The following HMCN1 variants were observed in gnomAD, a reference collection of about 807,000 sequenced individuals.
The protein encoded by HMCN1 is hemicentin-1.
In HMCN1, 321 loss-of-function variants were observed where a neutral mutation model predicts 625.9. The observed-to-expected ratio is 0.51, with a 90% confidence interval of 0.47 to 0.56. The LOEUF is 0.56. HMCN1 is among the 20% of genes least tolerant of loss of function. HMCN1 has a pLI of 0.00. For missense variants in HMCN1, 6,588 were observed against 6,887.3 expected, an observed-to-expected ratio of 0.96 and a Z score of 1.54; for synonymous variants, 2,425 against 2,417.6, an observed-to-expected ratio of 1.00 and a Z score of -0.09.
intron 74 of HMCN1, 139 bp downstream of exon 74, chr1:186,115,085 T>C: frequency 1.4e-6 from 2 of 1,426,154 alleles, no homozygotes; most frequent in Non-Finnish European, 2.0e-6. Context: ...AAGCCCCAAG[T>C]TTTCTCCTTA....
At chr1:185,738,027 A>G (rs927797544) in intron 1 of HMCN1, among the ~76,000 whole-genome samples, 1 of 152,222 alleles carries the variant, frequency 6.6e-6, no homozygotes, top group Admixed American at 6.5e-5. Flanking sequence ...AGGAGGTACC[A>G]GAGATGAACG....
In HMCN1 at chr1:186,052,940, AT is replaced by A. The variant is rs1458736962; in HGVS notation, c.6578-5del. The A allele has an allele frequency of 6.3e-6, 10 of 1,594,258 alleles. No homozygotes were observed. Among genetic ancestry groups the A allele is most frequent in the African/African-American group, 1.3e-5 (1 of 74,376 alleles). ...AAATGAGTGGAAAAATCATATTTTT[AT>A]TTTTTTCTAGTCCCCCCAAATATTG... On this transcript the variant is annotated splice_polypyrimidine_tract_variant and intron_variant, in intron 42 of 106. Coordinates refer to ENST00000271588, the MANE Select transcript of HMCN1 (RefSeq NM_031935.3).
At chr1:186,151,539 T>A in intron 94 of HMCN1, 67 bp from the exon 95 acceptor site, 1 of 1,460,880 alleles carries the variant, frequency 6.8e-7, no homozygotes, top group East Asian at 2.3e-5. Flanking sequence ...GTGAATAATA[T>A]GCTATGAAGA....
intron 66 of HMCN1, among the ~76,000 whole-genome samples, chr1:186,093,883 T>C (rs2102418771): frequency 6.6e-6 from 1 of 152,254 alleles, no homozygotes; most frequent in South Asian, 2.1e-4. Context: ...AGTAAATGTG[T>C]AAAATGGTCT....
intron 23 of HMCN1, 125 bp downstream of exon 23, chr1:185,993,434 A>G: frequency 2.0e-6 from 2 of 999,168 alleles, no homozygotes; most frequent in Non-Finnish European, 3.0e-6. Flanking sequence ...AAAATTCTCT[A>G]AAATCTGAGA....
chr1:185,761,448 C>G (rs1655496038), intron 1 of HMCN1, among the ~76,000 whole-genome samples: 1 of 152,172 alleles, frequency 6.6e-6, no homozygotes, highest in Non-Finnish European at 1.5e-5. Flanking sequence ...TGTCTACAGT[C>G]AAAACCCTTT....
intron 4 of HMCN1, among the ~76,000 whole-genome samples, chr1:185,893,014 G>A (rs954423141): frequency 5.9e-5 from 9 of 152,162 alleles, no homozygotes; most frequent in South Asian, 2.1e-4. Flanking sequence ...ATCTCGTGGT[G>A]CGCCGTTTTT....
intron 29 of HMCN1, among the ~76,000 whole-genome samples, chr1:186,005,109 T>C (rs948335758): frequency 6.7e-6 from 1 of 150,262 alleles, no homozygotes; most frequent in Admixed American, 6.6e-5. Context: ...TTTAAATTGT[T>C]TATAAATGTT....
intron 2 of HMCN1, among the ~76,000 whole-genome samples, chr1:185,850,096 T>C (rs1313194258): frequency 6.6e-6 from 1 of 152,212 alleles, no homozygotes; most frequent in Non-Finnish European, 1.5e-5. Context: ...AAGAGCCCTG[T>C]AGCTCGTATT....
intron 4 of HMCN1, among the ~76,000 whole-genome samples, chr1:185,886,250 CAG>C (rs879655261): frequency 1.3e-4 from 19 of 149,948 alleles, no homozygotes; most frequent in Non-Finnish European, 2.2e-4. Context: ...TGGGTGGAAA[CAG>C]AGAAACAGAG....
At chr1:186,024,760 G>A (rs116794370) in intron 36 of HMCN1, among the ~76,000 whole-genome samples, 4 of 152,104 alleles carry the variant, frequency 2.6e-5, no homozygotes, top group East Asian at 1.9e-4. Flanking sequence ...ACTTCCTGAG[G>A]TGTTTTTAAA....
At chr1:185,983,391 A>G (rs1046328154) in intron 18 of HMCN1, among the ~76,000 whole-genome samples, 4 of 152,118 alleles carry the variant, frequency 2.6e-5, no homozygotes, top group Admixed American at 1.3e-4. Context: ...GTGCCACTGC[A>G]CTCCAGCCTG....
intron 37 of HMCN1, among the ~76,000 whole-genome samples, chr1:186,038,333 CT>C (rs1032015075): frequency 2.0e-5 from 3 of 151,912 alleles, no homozygotes; most frequent in East Asian, 1.9e-4. Flanking sequence ...TATGCTGAAA[CT>C]TTTTTTTAAC....
At chr1:185,759,476 C>T (rs1655345996) in intron 1 of HMCN1, among the ~76,000 whole-genome samples, 1 of 152,094 alleles carries the variant, frequency 6.6e-6, no homozygotes, top group African/African-American at 2.4e-5. Context: ...TAATAGACTT[C>T]AAAAGAGGTG....
chr1:186,136,066 C>T (rs771950759), intron 86 of HMCN1, among the ~76,000 whole-genome samples: 2 of 152,086 alleles, frequency 1.3e-5, no homozygotes, highest in Non-Finnish European at 1.5e-5. Flanking sequence ...ATCCCAGCTA[C>T]TCAGGAGGCT....
Position 186,117,502 on chromosome 1 carries a change from C to A in HMCN1, c.11727C>A (p.Thr3909=), listed in dbSNP as rs1433226266. The part of the protein sequence containing the change: ...IADEPTDFLV[T]KHAPAVITCT... ...ATGAGCCTACAGATTTCCTAGTAACCAAACATGCCCCAGCAGTAATTACCT... is the reference window on the plus strand; with the variant it reads ...ATGAGCCTACAGATTTCCTAGTAACAAAACATGCCCCAGCAGTAATTACCT... Residue 3909 remains threonine (T), a synonymous_variant, in exon 77 of 107, where the codon ACC becomes ACA. Coordinates refer to ENST00000271588, the MANE Select transcript of HMCN1 (RefSeq NM_031935.3). 1 of 1,613,768 alleles carries A rather than the reference C, an allele frequency of 6.2e-7. No homozygotes were observed. Among genetic ancestry groups the A allele is most frequent in the Non-Finnish European group, 8.5e-7 (1 of 1,179,784 alleles).
chr1:185,746,172 A>G (rs1465691158), intron 1 of HMCN1, among the ~76,000 whole-genome samples: 1 of 152,208 alleles, frequency 6.6e-6, no homozygotes, highest in Non-Finnish European at 1.5e-5. Context: ...ATGAGTTAAG[A>G]AAATGGAGCT....
rs758976050 is a variant in HMCN1 at position 186,039,891 on chromosome 1, C to G, written c.6180+12C>G. ...CTAATGGATTACAGGTACCTTCATTCATTTCTTTGGTGACATTTACCACCT... is the reference window on the plus strand; with the variant it reads ...CTAATGGATTACAGGTACCTTCATTGATTTCTTTGGTGACATTTACCACCT... On this transcript the variant is annotated intron_variant, in intron 39 of 106. Coordinates refer to ENST00000271588, the MANE Select transcript of HMCN1 (RefSeq NM_031935.3). The G allele has an allele frequency of 6.2e-7, 1 of 1,611,736 alleles. No homozygotes were observed. The highest frequency in any genetic ancestry group is 8.5e-7 in the Non-Finnish European group (1 of 1,178,258).
chr1:185,863,809 A>C lies in HMCN1; in HGVS notation c.340-661A>C, dbSNP rs188871289. Among the ~76,000 whole-genome samples, 114 of 152,340 alleles carry C rather than the reference A, an allele frequency of 7.5e-4. 1 individual carries two copies. Among genetic ancestry groups the C allele is most frequent in the South Asian group, 4.1e-4 (2 of 4,830 alleles). On this transcript the variant is annotated intron_variant, in intron 2 of 106. Coordinates refer to ENST00000271588, the MANE Select transcript of HMCN1 (RefSeq NM_031935.3). ...AAAAATGAAACAGAGTCAGAGTGAA[A>C]AGAATGACAAACAGAATGCATTTTA... is the stretch of plus-strand genomic sequence containing the variant.
Sources: allele counts gnomAD v4.1 joint callset (sites outside exome capture counted in the v4.1 genomes callset), GRCh38; gene constraint gnomAD v4.1.1; transcripts MANE v1.5; gene names NCBI Gene and HGNC (gene_info 2026-07-23, HGNC 2026-07-21).